PARP14: variants seen among roughly 807,000 people sequenced by gnomAD.
PARP14 encodes poly(ADP-ribose) polymerase family member 14.
Under a neutral mutation model 154.2 loss-of-function variants are expected in PARP14, and 59 were observed. That is an observed-to-expected ratio of 0.38 (90% CI 0.31 to 0.48). PARP14 has a LOEUF of 0.48. PARP14 is among the 20% of genes least tolerant of loss of function. PARP14 has a pLI of 0.98. For missense variants in PARP14, 1,734 were observed against 2,131.6 expected (o/e 0.81, Z 3.67); for synonymous variants, 720 against 780.5 (o/e 0.92, Z 1.29).
At chr3:122,728,092 A>G in intron 16 of PARP14, 106 bp downstream of exon 16, 1 of 1,082,570 alleles carries the variant, frequency 9.2e-7, no homozygotes, top group Non-Finnish European at 1.3e-6. Flanking sequence ...ATTGGTGGCC[A>G]TGTTGCAGCC....
chr3:122,691,974 T>C (rs1360543402), intron 3 of PARP14, among the ~76,000 whole-genome samples: 1 of 152,202 alleles, frequency 6.6e-6, no homozygotes, highest in Non-Finnish European at 1.5e-5. Flanking sequence ...TGGACAAATT[T>C]TTAAAATTCA....
At chr3:122,711,889 C>T (rs886737527) in intron 9 of PARP14, among the ~76,000 whole-genome samples, 2 of 152,130 alleles carry the variant, frequency 1.3e-5, no homozygotes, top group Non-Finnish European at 2.9e-5. Flanking sequence ...TCATAGCAGC[C>T]TTGAATGATC....
intron 8 of PARP14, 50 bp from the exon 9 acceptor site, chr3:122,708,140 T>G (rs906300000): frequency 7.3e-6 from 7 of 965,128 alleles, no homozygotes; most frequent in South Asian, 2.9e-5. Flanking sequence ...TGATTCCAAT[T>G]TATTCATTTA....
chr3:122,726,598 GTTTAAGA>G (rs1198079197), intron 15 of PARP14, among the ~76,000 whole-genome samples: 1 of 152,044 alleles, frequency 6.6e-6, no homozygotes, highest in Non-Finnish European at 1.5e-5. Context: ...ACTAAATAAA[GTTTAAGA>G]TTTATTTGCA....
At chr3:122,710,622 T>C (rs34499852) in intron 9 of PARP14, among the ~76,000 whole-genome samples, 13,286 of 152,094 alleles carry the variant, frequency 0.087, 680 homozygotes, top group East Asian at 0.13. Flanking sequence ...GAGAATTGCA[T>C]TGAATCTGTA....
intron 13 of PARP14, 26 bp downstream of exon 13, chr3:122,718,303 C>T (rs1484054651): frequency 6.2e-7 from 1 of 1,611,302 alleles, no homozygotes. Context: ...TTATGAAATG[C>T]ATGTTCATAA....
chr3:122,697,646 A>C (rs1938821292), intron 5 of PARP14, among the ~76,000 whole-genome samples: 1 of 152,256 alleles, frequency 6.6e-6, no homozygotes, highest in African/African-American at 2.4e-5. Context: ...ATTTCTTGAA[A>C]GGAAAAAATT....
intron 4 of PARP14, among the ~76,000 whole-genome samples, chr3:122,693,579 C>T (rs896771665): frequency 1.3e-5 from 2 of 152,140 alleles, no homozygotes; most frequent in African/African-American, 4.8e-5. Context: ...TGGCTCACGC[C>T]TGTAATTCCA....
In PARP14 at chr3:122,725,153, G is replaced by A. The variant is rs1013505839; in HGVS notation, c.4942-2659G>A. On this transcript the variant is annotated intron_variant, in intron 15 of 16. Transcript: ENST00000474629. Reference sequence around the variant, plus strand: ...TCATCATGGCCCGTTCTCAATGGTCGCTGTCTCTTCGGAGCTGTTGGGTAC... The same window carrying A: ...TCATCATGGCCCGTTCTCAATGGTCACTGTCTCTTCGGAGCTGTTGGGTAC... 4.6e-5 allele frequency among the ~76,000 whole-genome samples: 7 copies of A among 152,264 alleles called. No individual in the cohort carries two copies. In the South Asian group the frequency reaches 1.0e-3, roughly 23 times the overall value.
intron 6 of PARP14, among the ~76,000 whole-genome samples, chr3:122,703,085 T>G (rs1357396782): frequency 1.3e-5 from 2 of 151,736 alleles, no homozygotes; most frequent in African/African-American, 4.8e-5. Context: ...TTAGCTTCCA[T>G]GGCTGTAATA....
chr3:122,687,941 A>AGCT (rs1938423391), intron 3 of PARP14, among the ~76,000 whole-genome samples: 1 of 152,260 alleles, frequency 6.6e-6, no homozygotes, highest in Non-Finnish European at 1.5e-5. Flanking sequence ...GGAAAATGGC[A>AGCT]CTAGAGTGAG....
intron 6 of PARP14, among the ~76,000 whole-genome samples, chr3:122,702,642 A>G (rs1242176552): frequency 6.6e-6 from 1 of 152,194 alleles, no homozygotes; most frequent in Non-Finnish European, 1.5e-5. Context: ...TAATTTGCCC[A>G]CATCCCCCAA....
At chr3:122,704,245 G>A (rs1292609623) in intron 7 of PARP14, among the ~76,000 whole-genome samples, 1 of 152,226 alleles carries the variant, frequency 6.6e-6, no homozygotes, top group African/African-American at 2.4e-5. Flanking sequence ...CTTGCTTAGT[G>A]AAGAAAGCCA....
chr3:122,699,191 T>A (rs903612008), intron 5 of PARP14, among the ~76,000 whole-genome samples, 199 bp from the exon 6 acceptor site: 17 of 152,344 alleles, frequency 1.1e-4, no homozygotes, highest in African/African-American at 4.1e-4. Flanking sequence ...AACATTAGTT[T>A]TTTTTACTCT....
chr3:122,719,204 T>C (rs1476826866), intron 14 of PARP14, among the ~76,000 whole-genome samples: 2 of 152,214 alleles, frequency 1.3e-5, no homozygotes, highest in African/African-American at 4.8e-5. Flanking sequence ...ACCTTTGTTC[T>C]CATCTCTACA....
At chr3:122,692,582 T>C (rs1390581680) in intron 4 of PARP14, 39 bp downstream of exon 4, 1 of 1,565,608 alleles carries the variant, frequency 6.4e-7, no homozygotes, top group Non-Finnish European at 8.7e-7. Context: ...GTCTTCTTTG[T>C]ACCACATCAT....
At chr3:122,725,140 G>A (rs561982978) in intron 15 of PARP14, among the ~76,000 whole-genome samples, 4 of 152,246 alleles carry the variant, frequency 2.6e-5, no homozygotes, top group Admixed American at 6.5e-5. Flanking sequence ...ATCATGGCCC[G>A]TTCTCAATGG....
rs879939614 is a variant in PARP14 at position 122,715,651 on chromosome 3, TATCG to T, written c.4000+1226_4000+1229del. 3.4e-3 allele frequency among the ~76,000 whole-genome samples: 482 copies of T among 141,862 alleles called. 6 individuals are homozygous for T. Among genetic ancestry groups the T allele is most frequent in the South Asian group, 2.8e-3 (12 of 4,362 alleles). The allele number at this position is 141,862 out of a possible 152,430, so 93.1% of individuals were successfully genotyped here. On this transcript the variant is annotated intron_variant, in intron 12 of 16. Coordinates refer to ENST00000474629, the MANE Select transcript of PARP14 (RefSeq NM_017554.3). ...CTATCTATCTATCTATCTATCTATCTATCGATCTGTCTATCTATCTCTATCATCT... is the reference window on the plus strand; with the variant it reads ...CTATCTATCTATCTATCTATCTATCTATCTGTCTATCTATCTCTATCATCT...
intron 15 of PARP14, chr3:122,720,865 G>T (rs1407017392): frequency 2.2e-6 from 1 of 456,660 alleles, no homozygotes. Flanking sequence ...CCCAGCTATT[G>T]GGAGGCTGAG....
Sources: allele counts gnomAD v4.1 joint callset (sites outside exome capture counted in the v4.1 genomes callset), GRCh38; gene constraint gnomAD v4.1.1; transcripts MANE v1.5; gene names NCBI Gene and HGNC (gene_info 2026-07-23, HGNC 2026-07-21).